MARCHF1: variants seen among roughly 807,000 people sequenced by gnomAD.
MARCHF1 encodes the protein membrane associated ring-CH-type finger 1.
Under a neutral mutation model 54.2 loss-of-function variants are expected in MARCHF1, and 40 were observed. That is an observed-to-expected ratio of 0.74 (90% confidence interval 0.57 to 0.96). MARCHF1 has a LOEUF of 0.96. MARCHF1 is among the 40% of genes least tolerant of loss of function. MARCHF1 has a pLI of 0.00. For synonymous variants in MARCHF1, 236 were observed against 236.3 expected, an observed-to-expected ratio of 1.00 and a Z score of 0.01; for missense variants, 586 against 656.5, an observed-to-expected ratio of 0.89 and a Z score of 1.17.
intron 3 of MARCHF1, among the ~76,000 whole-genome samples, chr4:163,928,833 A>G (rs1293634959): frequency 6.6e-6 from 1 of 151,872 alleles, no homozygotes; most frequent in African/African-American, 2.4e-5. Context: ...TTTTAACCAC[A>G]ATGAAATTAA....
At chr4:164,264,701 C>T (rs748744844) in intron 1 of MARCHF1, among the ~76,000 whole-genome samples, 53 of 151,956 alleles carry the variant, frequency 3.5e-4, no homozygotes, top group Admixed American at 6.6e-4. Flanking sequence ...TGGTGGATCA[C>T]CTAAGGTCAG....
chr4:164,222,880 C>A (rs557966406), intron 1 of MARCHF1, among the ~76,000 whole-genome samples: 10 of 151,914 alleles, frequency 6.6e-5, no homozygotes, highest in African/African-American at 2.4e-4. Context: ...AAAGACATAC[C>A]CAAGACTGGG....
chr4:163,759,483 AT>A (rs1200987311), intron 4 of MARCHF1, among the ~76,000 whole-genome samples: 2 of 152,158 alleles, frequency 1.3e-5, no homozygotes, highest in Admixed American at 1.3e-4. Context: ...AGGGCTTCTC[AT>A]TTTGCTGAAA....
chr4:163,690,046 G>A lies in MARCHF1; in HGVS notation c.162+10767C>T, dbSNP rs1214741270. 2.6e-5 allele frequency among the ~76,000 whole-genome samples: 4 copies of A among 152,186 alleles called. No individual in the cohort carries two copies. The East Asian group carries it at 7.7e-4, about 29-fold the overall frequency. ...TTTTGGGAGCCTGTACTTGGCTGGG[G>A]ATTGTGTCAAGAGACCTGAGCTGTC... On this transcript the variant is annotated intron_variant, in intron 5 of 9. Transcript: ENST00000514618.
intron 4 of MARCHF1, among the ~76,000 whole-genome samples, chr4:163,750,528 A>ATAAATAAATAAT (rs1746492231): frequency 6.6e-6 from 1 of 150,582 alleles, no homozygotes; most frequent in South Asian, 2.1e-4. Context: ...AAATAAATAA[A>ATAAATAAATAAT]TAAATAAATA....
At chr4:164,287,838 G>A (rs965982037) in intron 1 of MARCHF1, among the ~76,000 whole-genome samples, 4 of 152,022 alleles carry the variant, frequency 2.6e-5, no homozygotes, top group African/African-American at 9.7e-5. Flanking sequence ...GCTAATGCTT[G>A]ATCACATAAT....
intron 1 of MARCHF1, among the ~76,000 whole-genome samples, chr4:164,216,639 A>G (rs1189556827): frequency 1.3e-5 from 2 of 152,286 alleles, no homozygotes; most frequent in Middle Eastern, 3.4e-3. Flanking sequence ...ATGAAGAAAA[A>G]TATTTAAAGT....
At chr4:164,042,121 C>T (rs779845725) in intron 2 of MARCHF1, among the ~76,000 whole-genome samples, 8 of 152,038 alleles carry the variant, frequency 5.3e-5, no homozygotes, top group Non-Finnish European at 1.2e-4. Flanking sequence ...AATATGTTTA[C>T]CATTGTCTTC....
In MARCHF1 at chr4:163,699,550, G is replaced by A. The variant is rs148937360; in HGVS notation, c.162+1263C>T. ...AAACAGAAGAGAAGAAAACAAAAAC[G>A]TCTCTAAATTGGAAGTTGATCTACT... is the stretch of plus-strand genomic sequence containing the variant. On this transcript the variant is annotated intron_variant, in intron 5 of 9. Coordinates refer to ENST00000514618, the MANE Select transcript of MARCHF1 (RefSeq NM_001394959.1). 3.7e-3 allele frequency among the ~76,000 whole-genome samples: 568 copies of A among 152,248 alleles called. 5 individuals are homozygous for A. Among genetic ancestry groups the A allele is most frequent in the African/African-American group, 0.012 (519 of 41,552 alleles).
chr4:163,942,966 T>A (rs1751944016), intron 3 of MARCHF1, among the ~76,000 whole-genome samples: 1 of 152,180 alleles, frequency 6.6e-6, no homozygotes, highest in Non-Finnish European at 1.5e-5. Flanking sequence ...GATACACTAG[T>A]TTTTTGTTGT....
chr4:163,580,062 A>ATTAATTAT (rs1553993938), intron 8 of MARCHF1, among the ~76,000 whole-genome samples: 1 of 144,212 alleles, frequency 6.9e-6, no homozygotes, highest in African/African-American at 2.6e-5. Flanking sequence ...AGCCTTATTT[A>ATTAATTAT]TTATTTATTT....
chr4:163,840,881 A>T (rs550974348), intron 4 of MARCHF1, among the ~76,000 whole-genome samples: 6 of 152,100 alleles, frequency 3.9e-5, no homozygotes, highest in Non-Finnish European at 7.4e-5. Flanking sequence ...GTATATAAAG[A>T]CATCACGATA....
intron 4 of MARCHF1, among the ~76,000 whole-genome samples, chr4:163,813,003 T>G (rs2111018109): frequency 6.6e-6 from 1 of 152,280 alleles, no homozygotes; most frequent in South Asian, 2.1e-4. Context: ...GGTAGGGTAT[T>G]ATAGTTAAAT....
At chr4:163,949,502 G>A (rs568962331) in intron 3 of MARCHF1, among the ~76,000 whole-genome samples, 1 of 152,368 alleles carries the variant, frequency 6.6e-6, no homozygotes, top group Non-Finnish European at 1.5e-5. Flanking sequence ...CAGCTCGTTT[G>A]TGTTACAGCA....
At chr4:164,261,927 CTT>C (rs1733477955) in intron 1 of MARCHF1, among the ~76,000 whole-genome samples, 1 of 151,706 alleles carries the variant, frequency 6.6e-6, no homozygotes, top group African/African-American at 2.4e-5. Flanking sequence ...GGCAAAACCT[CTT>C]CTCTTCAAAA....
rs553727437 is a variant in MARCHF1 at position 164,371,616 on chromosome 4, G to A, written c.-323+12254C>T. 2.0e-5 allele frequency among the ~76,000 whole-genome samples: 3 copies of A among 152,232 alleles called. No homozygotes were observed. In the East Asian group the frequency reaches 5.8e-4, roughly 29 times the overall value. On this transcript the variant is annotated intron_variant, in intron 1 of 9. Coordinates refer to ENST00000514618, the MANE Select transcript of MARCHF1 (RefSeq NM_001394959.1). ...AATCTGCAAAAGAGAAGACTTAAGT[G>A]AAGTCTTATATACATGAAAAGATGC...
chr4:164,148,694 C>G (rs930378752), intron 1 of MARCHF1, among the ~76,000 whole-genome samples: 2 of 152,038 alleles, frequency 1.3e-5, no homozygotes, highest in Non-Finnish European at 2.9e-5. Flanking sequence ...TGTGCCAAGT[C>G]CTTTAGAAAA....
chr4:163,966,369 T>A (rs1319753709), intron 3 of MARCHF1, among the ~76,000 whole-genome samples: 1 of 152,044 alleles, frequency 6.6e-6, no homozygotes, highest in South Asian at 2.1e-4. Context: ...TTTACCTAAT[T>A]AATAGAATGA....
intron 2 of MARCHF1, among the ~76,000 whole-genome samples, chr4:164,010,757 A>G (rs1182725529): frequency 3.3e-5 from 5 of 152,080 alleles, no homozygotes; most frequent in African/African-American, 9.7e-5. Flanking sequence ...ACAGAAATAG[A>G]AAAAAAATCT....
Sources: allele counts gnomAD v4.1 joint callset (sites outside exome capture counted in the v4.1 genomes callset), GRCh38; gene constraint gnomAD v4.1.1; transcripts MANE v1.5; gene names NCBI Gene and HGNC (gene_info 2026-07-23, HGNC 2026-07-21).